DNAI7: variants seen among roughly 807,000 people sequenced by gnomAD.
DNAI7 encodes cancer susceptibility 1.
In DNAI7, 78 loss-of-function variants were observed where a neutral mutation model predicts 86.6. The observed-to-expected ratio is 0.90, with a 90% confidence interval of 0.75 to 1.09. DNAI7 has a LOEUF of 1.09. Among genes scored for constraint, DNAI7 ranks in the 50% least tolerant of loss-of-function variants. The pLI, the probability that DNAI7 is intolerant of heterozygous loss-of-function variation, is 0.00. For missense variants in DNAI7, 753 were observed against 810.2 expected (o/e 0.93, Z 0.86); for synonymous variants, 274 against 273.0 (o/e 1.00, Z -0.04).
In DNAI7 at chr12:25,110,177, C is replaced by A; in HGVS notation, c.1843G>T (p.Gly615Cys). The change falls in exon 15 of 16, where the codon GGT (glycine) becomes TGT (cysteine). Residue 615 changes from glycine to cysteine, a missense_variant. Gly to Cys is a radical substitution (Grantham distance 159). Transcript: ENST00000395987. The stretch of plus-strand genomic sequence containing the variant: ...CATAGTAGGTTCCACTTGCTCCAAC[C>A]AAATGCAAAAGCAGAACTTAGTAGG... Reference protein sequence around the residue: ...MALLSSAFAFGWSKWNLLCNS... With the variant: ...MALLSSAFAFCWSKWNLLCNS... The A allele has an allele frequency of 6.2e-7, 1 of 1,612,986 alleles. No individual in the cohort carries two copies.
Position 25,144,528 on chromosome 12 carries a change from G to A in DNAI7, c.839C>T (p.Thr280Ile). The change falls in exon 9 of 16, where the codon ACT becomes ATT. Residue 280 changes from threonine to isoleucine, a missense_variant. Thr to Ile is a moderately conservative substitution (Grantham distance 89, BLOSUM62 -1). Transcript: ENST00000395987. ...TTTGACAAGCTCAGTTACTGCAGAA[G>A]TGTATTCTTTTGATGGTGTTGAAAC... The part of the protein sequence containing the change: ...HPVSTPSKEY[T>I]SAVTELVKDD... 6.2e-7 allele frequency: 1 copy of A among 1,614,086 alleles called. No individual in the cohort carries two copies.
At chr12:25,149,576 T>C in intron 7 of DNAI7, 52 bp downstream of exon 7, 1 of 1,289,106 alleles carries the variant, frequency 7.8e-7, no homozygotes, top group Non-Finnish European at 1.1e-6. Context: ...TTTTATAACA[T>C]AAAATGTTAG....
intron 2 of DNAI7, among the ~76,000 whole-genome samples, chr12:25,162,903 T>C (rs1946991104): frequency 1.3e-5 from 2 of 152,164 alleles, no homozygotes; most frequent in Admixed American, 1.3e-4. Flanking sequence ...CTCAAATTTA[T>C]CAACATAATT....
At chr12:25,120,807 C>G (rs1460767637) in intron 11 of DNAI7, among the ~76,000 whole-genome samples, 1 of 152,212 alleles carries the variant, frequency 6.6e-6, no homozygotes, top group Non-Finnish European at 1.5e-5. Context: ...GGGTGAGAAA[C>G]TCCTTGAAAG....
Position 25,114,848 on chromosome 12 carries a change from G to C in DNAI7, c.1419C>G (p.Gly473=), listed in dbSNP as rs1467889816. The change falls in exon 13 of 16, where the codon GGC becomes GGG. Residue 473 remains glycine, a synonymous_variant. Coordinates refer to ENST00000395987, the MANE Select transcript of DNAI7 (RefSeq NM_018272.5). ...DAEGKHWRTD[G]ISNVSYKPKE... Reference sequence around the variant, plus strand: ...TTGGTTTGTAGGATACATTGCTGATGCCATCAGTTCTCCAATGTTTACCTT... The same window carrying C: ...TTGGTTTGTAGGATACATTGCTGATCCCATCAGTTCTCCAATGTTTACCTT... 6.2e-7 allele frequency: 1 copy of C among 1,612,922 alleles called. No individual in the cohort carries two copies. The highest frequency in any genetic ancestry group is 1.3e-5 in the African/African-American group (1 of 74,896).
At chr12:25,187,231 G>C (rs1197115162) in intron 2 of DNAI7, among the ~76,000 whole-genome samples, 2 of 152,028 alleles carry the variant, frequency 1.3e-5, no homozygotes, top group Admixed American at 1.3e-4. Context: ...TAACCACACT[G>C]GCATTTCACC....
At chr12:25,190,003 A>AC (rs1478872568) in intron 2 of DNAI7, among the ~76,000 whole-genome samples, 1 of 52,438 alleles carries the variant, frequency 1.9e-5, no homozygotes, top group African/African-American at 5.8e-5. Context: ...AAAAAAAAAA[A>AC]AAAAAGCACT....
At chr12:25,110,934 G>A (rs998481066) in intron 14 of DNAI7, among the ~76,000 whole-genome samples, 3 of 152,040 alleles carry the variant, frequency 2.0e-5, no homozygotes, top group African/African-American at 7.2e-5. Context: ...ATATTTCCTG[G>A]AGTAGAATAT....
intron 9 of DNAI7, among the ~76,000 whole-genome samples, chr12:25,139,686 TG>T (rs1190892084): frequency 6.6e-6 from 1 of 151,824 alleles, no homozygotes; most frequent in Non-Finnish European, 1.5e-5. Flanking sequence ...CATCACACAC[TG>T]GGGCCTGTCG....
chr12:25,164,448 C>G (rs1421453498), intron 2 of DNAI7, among the ~76,000 whole-genome samples: 1 of 152,072 alleles, frequency 6.6e-6, no homozygotes, highest in Non-Finnish European at 1.5e-5. Flanking sequence ...AGCCTGTGTT[C>G]TTAAAAACCT....
intron 2 of DNAI7, among the ~76,000 whole-genome samples, chr12:25,165,393 T>C (rs1268735554): frequency 3.9e-5 from 6 of 152,328 alleles, no homozygotes; most frequent in African/African-American, 1.2e-4. Context: ...GGGGTTACTC[T>C]AGAACCTCCT....
intron 1 of DNAI7, among the ~76,000 whole-genome samples, chr12:25,193,916 G>A (rs1950775903): frequency 6.6e-6 from 1 of 152,034 alleles, no homozygotes; most frequent in South Asian, 2.1e-4. Flanking sequence ...CCGCCTCCCA[G>A]GTTCAAGCGA....
rs771806762 is a variant in DNAI7 at position 25,147,108 on chromosome 12, TAAGAGA to T, written c.586-10_586-5del. ...GATCTGCCAAAGTACTAGCTTGCTG[TAAGAGA>T]AAAAGAAAACATTATAAAGGGCCAC... On this transcript the variant is annotated splice_region_variant and splice_polypyrimidine_tract_variant and intron_variant, in intron 7 of 15. Transcript: ENST00000395987. 104 of 1,507,504 alleles carry T rather than the reference TAAGAGA, an allele frequency of 6.9e-5. No homozygotes were observed. The highest frequency in any genetic ancestry group is 9.4e-5 in the Non-Finnish European group (102 of 1,087,108). 93.4% of individuals were successfully genotyped at this position (1,507,504 alleles called of 1,614,324 possible). A position where few individuals can be genotyped will look rare whatever the true frequency, so the allele number is the denominator to read the frequency against.
intron 2 of DNAI7, among the ~76,000 whole-genome samples, chr12:25,189,647 TACAAA>T (rs1230059389): frequency 6.6e-6 from 1 of 151,916 alleles, no homozygotes; most frequent in Admixed American, 6.6e-5. Flanking sequence ...GTCTCTAAAA[TACAAA>T]ACAAAACAAA....
chr12:25,124,310 G>A (rs984552051), intron 9 of DNAI7, among the ~76,000 whole-genome samples: 1 of 151,706 alleles, frequency 6.6e-6, no homozygotes, highest in Non-Finnish European at 1.5e-5. Context: ...TACATTCTCT[G>A]CAAACCCTTT....
intron 9 of DNAI7, among the ~76,000 whole-genome samples, chr12:25,142,336 G>A (rs1944300867): frequency 6.6e-6 from 1 of 151,998 alleles, no homozygotes; most frequent in African/African-American, 2.4e-5. Flanking sequence ...TGGACTTTGG[G>A]GACTCAAGGG....
At chr12:25,141,932 T>C (rs1204667243) in intron 9 of DNAI7, among the ~76,000 whole-genome samples, 1 of 152,148 alleles carries the variant, frequency 6.6e-6, no homozygotes, top group Non-Finnish European at 1.5e-5. Flanking sequence ...GGTGGGAATG[T>C]AAACTAACAC....
At chr12:25,147,629 C>T (rs947996664) in intron 7 of DNAI7, among the ~76,000 whole-genome samples, 15 of 152,156 alleles carry the variant, frequency 9.9e-5, no homozygotes, top group East Asian at 1.9e-4. Context: ...GCACTCTAGC[C>T]GGGGTGACAG....
At chr12:25,163,066 C>A (rs1303140424) in intron 2 of DNAI7, among the ~76,000 whole-genome samples, 1 of 152,150 alleles carries the variant, frequency 6.6e-6, no homozygotes, top group African/African-American at 2.4e-5. Context: ...CCCAATTGCG[C>A]AAGCGGGAAA....
Sources: allele counts gnomAD v4.1 joint callset (sites outside exome capture counted in the v4.1 genomes callset), GRCh38; gene constraint gnomAD v4.1.1; transcripts MANE v1.5; gene names NCBI Gene and HGNC (gene_info 2026-07-23, HGNC 2026-07-21).